Variants in CDH13 observed in about 807,000 individuals in gnomAD.
CDH13 encodes the protein cadherin-13.
Under a neutral mutation model 63.8 loss-of-function variants are expected in CDH13, and 24 were observed. The ratio of observed to expected loss-of-function variants is 0.38; its 90% CI spans 0.27 to 0.53. The LOEUF is 0.53. Among genes scored for constraint, CDH13 ranks in the 20% least tolerant of loss-of-function variants. The pLI, the probability that CDH13 is intolerant of heterozygous loss-of-function variation, is 0.85. For missense variants in CDH13, 1,049 were observed against 903.1 expected (o/e 1.16, Z -2.07); for synonymous variants, 503 against 355.3 (o/e 1.42, Z -4.67).
chr16:82,796,060 A>C (rs1179658724), intron 1 of CDH13, among the ~76,000 whole-genome samples: 1 of 150,160 alleles, frequency 6.7e-6, no homozygotes, highest in South Asian at 2.1e-4. Flanking sequence ...CCCTTGCCCT[A>C]TTGGCACTTA....
intron 2 of CDH13, among the ~76,000 whole-genome samples, chr16:83,014,082 A>G (rs190408224): frequency 6.7e-6 from 1 of 150,190 alleles, no homozygotes; most frequent in East Asian, 2.0e-4. Context: ...AAAAAAGCAA[A>G]AAGAACAAGT....
At chr16:83,359,459 G>A (rs940242231) in intron 6 of CDH13, among the ~76,000 whole-genome samples, 1 of 152,122 alleles carries the variant, frequency 6.6e-6, no homozygotes, top group African/African-American at 2.4e-5. Context: ...GAGGGTCTTA[G>A]TGTCGTCACC....
intron 5 of CDH13, among the ~76,000 whole-genome samples, chr16:83,217,886 C>T (rs922291997): frequency 6.6e-6 from 1 of 152,150 alleles, no homozygotes; most frequent in Non-Finnish European, 1.5e-5. Context: ...AGGGTGAAAA[C>T]AGTTGCTAAA....
intron 1 of CDH13, among the ~76,000 whole-genome samples, chr16:82,769,663 C>G (rs1388183546): frequency 1.3e-5 from 2 of 152,180 alleles, no homozygotes; most frequent in South Asian, 2.1e-4. Context: ...AGGATAGGAG[C>G]AATTCCATGA....
At chr16:83,443,346 GC>G (rs2072539860) in intron 6 of CDH13, among the ~76,000 whole-genome samples, 1 of 152,174 alleles carries the variant, frequency 6.6e-6, no homozygotes, top group Non-Finnish European at 1.5e-5. Context: ...TAAGGAGTGA[GC>G]TTGGAGCACT....
intron 1 of CDH13, among the ~76,000 whole-genome samples, chr16:82,794,998 A>C (rs1200971143): frequency 6.6e-6 from 1 of 152,198 alleles, no homozygotes; most frequent in East Asian, 1.9e-4. Flanking sequence ...GAAGAGAAGC[A>C]GGCCCTGGCT....
intron 5 of CDH13, among the ~76,000 whole-genome samples, chr16:83,261,014 C>G (rs1036372902): frequency 6.6e-6 from 1 of 151,928 alleles, no homozygotes; most frequent in African/African-American, 2.4e-5. Flanking sequence ...GAAGCAGCAT[C>G]CCATGTCCTT....
chr16:83,666,256 C>T (rs1913939347), intron 8 of CDH13, among the ~76,000 whole-genome samples: 1 of 151,908 alleles, frequency 6.6e-6, no homozygotes, highest in Non-Finnish European at 1.5e-5. Flanking sequence ...ATTTAATTTT[C>T]CTTTCTTGAA....
At chr16:83,184,941 C>T (rs1339827492) in intron 4 of CDH13, among the ~76,000 whole-genome samples, 1 of 148,530 alleles carries the variant, frequency 6.7e-6, no homozygotes, top group Non-Finnish European at 1.5e-5. Context: ...TATTTTTTTT[C>T]TATTTCTCTT....
At chr16:83,051,910 A>C (rs1334048300) in intron 3 of CDH13, among the ~76,000 whole-genome samples, 1 of 152,080 alleles carries the variant, frequency 6.6e-6, no homozygotes, top group East Asian at 1.9e-4. Context: ...TATTTGGACT[A>C]TGGTTTCTTT....
intron 8 of CDH13, among the ~76,000 whole-genome samples, chr16:83,607,125 A>C (rs1047025125): frequency 4.6e-5 from 7 of 152,148 alleles, no homozygotes; most frequent in African/African-American, 4.8e-5. Flanking sequence ...TTCTTATTGC[A>C]AAGTAAGCTC....
At chr16:83,688,149 C>T (rs1904498729) in intron 10 of CDH13, among the ~76,000 whole-genome samples, 1 of 152,104 alleles carries the variant, frequency 6.6e-6, no homozygotes, top group Admixed American at 6.5e-5. Context: ...TCTTTAACAC[C>T]TTGTTTAATC....
intron 6 of CDH13, among the ~76,000 whole-genome samples, chr16:83,376,685 G>T (rs1206850507): frequency 6.6e-6 from 1 of 152,102 alleles, no homozygotes; most frequent in African/African-American, 2.4e-5. Context: ...ACTCTAGAGA[G>T]AGTTAGGAGG....
chr16:83,767,809 G>C (rs890986742), intron 11 of CDH13, among the ~76,000 whole-genome samples: 2 of 152,142 alleles, frequency 1.3e-5, no homozygotes, highest in Non-Finnish European at 2.9e-5. Flanking sequence ...AATCTGTAGA[G>C]ACAGAAAATT....
At chr16:83,697,991 C>T (rs1905646369) in intron 10 of CDH13, among the ~76,000 whole-genome samples, 1 of 152,234 alleles carries the variant, frequency 6.6e-6, no homozygotes, top group South Asian at 2.1e-4. Context: ...TAACAAAGAT[C>T]AAGTGTGCTT....
chr16:83,247,974 C>T (rs1001353439), intron 5 of CDH13, among the ~76,000 whole-genome samples: 1 of 152,158 alleles, frequency 6.6e-6, no homozygotes, highest in East Asian at 1.9e-4. Context: ...TTCTGAAGTC[C>T]AGGAAGCCCC....
At chr16:83,662,274 GT>G (rs1269130769) in intron 8 of CDH13, among the ~76,000 whole-genome samples, 1 of 152,204 alleles carries the variant, frequency 6.6e-6, no homozygotes, top group African/African-American at 2.4e-5. Flanking sequence ...GACTCTGGAT[GT>G]TTAGTAGACC....
At chr16:82,778,214 T>C (rs1188393386) in intron 1 of CDH13, among the ~76,000 whole-genome samples, 1 of 152,164 alleles carries the variant, frequency 6.6e-6, no homozygotes, top group African/African-American at 2.4e-5. Flanking sequence ...CAGAAAAATC[T>C]CTTTTGTCTT....
Position 83,207,210 on chromosome 16 carries a change from C to T in CDH13, c.484-10135C>T, listed in dbSNP as rs993525042. Among the ~76,000 whole-genome samples the T allele has an allele frequency of 2.0e-5, 3 of 152,168 alleles. No homozygotes were observed. The South Asian group carries it at 6.2e-4, about 31-fold the overall frequency. ...CTCCAGAACGTTTTCATCTTCCTCA[C>T]CTTAAACTCTATACCCATTAAATGC... On this transcript the variant is annotated intron_variant, in intron 4 of 13. Coordinates refer to ENST00000567109, the MANE Select transcript of CDH13 (RefSeq NM_001257.5).
Sources: gnomAD v4.1 joint callset for allele counts (sites outside exome capture counted in the v4.1 genomes callset) on GRCh38, gnomAD v4.1.1 for gene constraint, MANE v1.5 for transcripts, NCBI Gene and HGNC (gene_info 2026-07-23, HGNC 2026-07-21) for gene names.